The following ADAMTS19 variants were observed in gnomAD, a reference collection of about 807,000 sequenced individuals.
ADAMTS19 encodes the protein A disintegrin and metalloproteinase with thrombospondin motifs 19.
A neutral mutation model predicts 153.3 loss-of-function variants in ADAMTS19; 93 were observed. The ratio of observed to expected loss-of-function variants is 0.61; its 90% CI spans 0.51 to 0.72. The LOEUF is 0.72. ADAMTS19 is among the 30% of genes least tolerant of loss of function. ADAMTS19 has a pLI of 0.00. For missense variants in ADAMTS19, 1,482 were observed against 1,552.1 expected, an observed-to-expected ratio of 0.95 and a Z score of 0.76; for synonymous variants, 600 against 556.6, an observed-to-expected ratio of 1.08 and a Z score of -1.10.
At chr5:129,703,151 A>G (rs1755991498) in intron 20 of ADAMTS19, among the ~76,000 whole-genome samples, 2 of 150,360 alleles carry the variant, frequency 1.3e-5, no homozygotes, top group South Asian at 4.2e-4. Context: ...TATGCCCCAC[A>G]CACATATCCA....
chr5:129,487,923 C>G (rs1306908274), intron 2 of ADAMTS19, among the ~76,000 whole-genome samples: 1 of 151,974 alleles, frequency 6.6e-6, no homozygotes, highest in African/African-American at 2.4e-5. Context: ...TTGAATTAAA[C>G]TGAAGTGATT....
At chr5:129,596,493 T>C in intron 7 of ADAMTS19, 66 bp from the exon 8 acceptor site, 2 of 1,072,712 alleles carry the variant, frequency 1.9e-6, no homozygotes, top group Admixed American at 2.1e-5. Flanking sequence ...TTCCTGCTGC[T>C]AATAACTAGT....
chr5:129,673,787 G>A (rs1346076010), intron 16 of ADAMTS19, among the ~76,000 whole-genome samples: 1 of 151,872 alleles, frequency 6.6e-6, no homozygotes, highest in Non-Finnish European at 1.5e-5. Flanking sequence ...TGATACTTTA[G>A]CATACACTTA....
At chr5:129,513,316 CT>C (rs1392009381) in intron 3 of ADAMTS19, among the ~76,000 whole-genome samples, 2 of 151,872 alleles carry the variant, frequency 1.3e-5, no homozygotes, top group Non-Finnish European at 2.9e-5. Context: ...CTTTCTACCA[CT>C]TCTGTGTTAT....
Position 129,684,068 on chromosome 5 carries a change from T to C in ADAMTS19, c.2665-52T>C, listed in dbSNP as rs927120300. On this transcript the variant is annotated intron_variant, in intron 17 of 22. Coordinates refer to ENST00000274487, the MANE Select transcript of ADAMTS19 (RefSeq NM_133638.6). The stretch of plus-strand genomic sequence containing the variant: ...ATATTGTTAATTTTATGCTTTACAT[T>C]GCACGTGCTCTAGTTTGACCCATCT... The C allele has an allele frequency of 3.3e-6, 5 of 1,532,674 alleles. No homozygotes were observed. In the African/African-American group the frequency reaches 6.9e-5, roughly 21 times the overall value. 94.9% of individuals were successfully genotyped at this position (1,532,674 alleles called of 1,614,324 possible). A position where few individuals can be genotyped will look rare whatever the true frequency, so the allele number is the denominator to read the frequency against.
chr5:129,681,199 A>G (rs1202050965), intron 17 of ADAMTS19, among the ~76,000 whole-genome samples: 1 of 152,168 alleles, frequency 6.6e-6, no homozygotes, highest in Non-Finnish European at 1.5e-5. Context: ...GTGCCTGCAG[A>G]TTACCTGGGG....
chr5:129,596,591 A>G lies in ADAMTS19; in HGVS notation c.1405A>G (p.Lys469Glu). 3 of 1,608,846 alleles carry G rather than the reference A, an allele frequency of 1.9e-6. No individual in the cohort carries two copies. The highest frequency in any genetic ancestry group is 2.2e-5 in the South Asian group (2 of 90,224). ...TTACTTGAGTGGAATGTGTAGTGAA[A>G]AGAGAAAATGTATTATTGCTGAAGA... ...IAYLSGMCSE[K>E]RKCIIAEDNG... The change falls in exon 8 of 23, where the codon AAG becomes GAG. Residue 469 changes from lysine (K) to glutamate (E), a missense_variant. Lys to Glu is a moderately conservative substitution (Grantham distance 56, BLOSUM62 1). This residue lies in a region of ADAMTS19 where 866 missense variants were observed against 827.7 expected (regional missense o/e 1.05). Coordinates refer to ENST00000274487, the MANE Select transcript of ADAMTS19 (RefSeq NM_133638.6).
rs1561632359 is a variant in ADAMTS19 at position 129,658,343 on chromosome 5, A to AGAGAGAGAGAGAG, written c.2305-274_2305-273insGAGAGAGAGAGAG. Among the ~76,000 whole-genome samples the AGAGAGAGAGAGAG allele has an allele frequency of 8.9e-5, 10 of 112,212 alleles. 1 individual carries two copies. Among genetic ancestry groups the AGAGAGAGAGAGAG allele is most frequent in the African/African-American group, 4.1e-4 (10 of 24,598 alleles). 73.6% of individuals were successfully genotyped at this position (112,212 alleles called of 152,430 possible). Reference sequence around the variant, plus strand: ...AAAGAAAGAAAGAAAGAAAGAAAGAAAGAAAGAAAGAAAGAAAGAAAGAAA... The same window carrying AGAGAGAGAGAGAG: ...AAAGAAAGAAAGAAAGAAAGAAAGAAGAGAGAGAGAGAGAGAAAGAAAGAAAGAAAGAAAGAAA... On this transcript the variant is annotated intron_variant, in intron 14 of 22. Transcript: ENST00000274487.
chr5:129,571,517 G>C (rs577967903), intron 7 of ADAMTS19, among the ~76,000 whole-genome samples: 6 of 151,534 alleles, frequency 4.0e-5, no homozygotes, highest in Non-Finnish European at 7.4e-5. Flanking sequence ...ATGCCGATGG[G>C]AGCAATAAAA....
At chr5:129,465,278 A>G (rs541690619) in intron 2 of ADAMTS19, among the ~76,000 whole-genome samples, 1 of 151,942 alleles carries the variant, frequency 6.6e-6, no homozygotes, top group African/African-American at 2.4e-5. Flanking sequence ...ACTGTGCAAC[A>G]ATTATCTTTG....
chr5:129,519,225 G>T (rs187413907), intron 3 of ADAMTS19, among the ~76,000 whole-genome samples: 1 of 152,208 alleles, frequency 6.6e-6, no homozygotes, highest in Admixed American at 6.5e-5. Context: ...TTTCTTCAAG[G>T]CAGTGGGTTC....
intron 6 of ADAMTS19, among the ~76,000 whole-genome samples, chr5:129,547,709 A>C (rs1268008812): frequency 1.3e-5 from 2 of 150,766 alleles, no homozygotes; most frequent in Non-Finnish European, 2.9e-5. Context: ...AAGAGCCCGC[A>C]TTGCCAAGCC....
chr5:129,519,394 C>T (rs1561548078), intron 3 of ADAMTS19, among the ~76,000 whole-genome samples: 1 of 152,046 alleles, frequency 6.6e-6, no homozygotes, highest in Non-Finnish European at 1.5e-5. Flanking sequence ...TCCTCAAGCA[C>T]AAGGAAGGAG....
chr5:129,629,496 T>G (rs1467692335), intron 10 of ADAMTS19, among the ~76,000 whole-genome samples: 1 of 152,070 alleles, frequency 6.6e-6, no homozygotes, highest in Non-Finnish European at 1.5e-5. Context: ...GCATCTAAAT[T>G]AGATGTATCA....
intron 6 of ADAMTS19, among the ~76,000 whole-genome samples, chr5:129,537,718 T>C (rs996025165): frequency 6.6e-5 from 10 of 151,736 alleles, no homozygotes; most frequent in Non-Finnish European, 1.3e-4. Flanking sequence ...TAGGTGGGAA[T>C]TGAACAATGA....
intron 19 of ADAMTS19, among the ~76,000 whole-genome samples, chr5:129,698,218 A>G (rs1453312814): frequency 6.6e-6 from 1 of 152,230 alleles, no homozygotes; most frequent in Non-Finnish European, 1.5e-5. Flanking sequence ...ATTTTGAACC[A>G]CCAAGCTGTG....
chr5:129,505,261 T>C (rs1751233675), intron 2 of ADAMTS19, among the ~76,000 whole-genome samples: 1 of 152,086 alleles, frequency 6.6e-6, no homozygotes, highest in Non-Finnish European at 1.5e-5. Context: ...AAACTTCAGA[T>C]AATTGTAGTA....
intron 7 of ADAMTS19, among the ~76,000 whole-genome samples, chr5:129,591,349 G>A (rs1330115389): frequency 6.6e-6 from 1 of 150,632 alleles, no homozygotes; most frequent in African/African-American, 2.5e-5. Context: ...CTGAAGTGCA[G>A]TGGCACAATC....
At chr5:129,562,161 C>A (rs758994862) in intron 7 of ADAMTS19, among the ~76,000 whole-genome samples, 1 of 152,154 alleles carries the variant, frequency 6.6e-6, no homozygotes, top group Non-Finnish European at 1.5e-5. Context: ...ACAGCTGGCT[C>A]AGCTCATAAC....
Sources: gnomAD v4.1 joint callset for allele counts (sites outside exome capture counted in the v4.1 genomes callset) on GRCh38, gnomAD v4.1.1 for gene constraint, gnomAD v4.1.1 regional missense constraint, MANE v1.5 for transcripts, NCBI Gene and HGNC (gene_info 2026-07-23, HGNC 2026-07-21) for gene names.